The following NR3C1 variants were observed in gnomAD, a reference collection of about 807,000 sequenced individuals.
NR3C1 encodes the protein nuclear receptor subfamily 3 group C member 1.
A neutral mutation model predicts 74.0 loss-of-function variants in NR3C1; 14 were observed. The observed-to-expected ratio is 0.19, with a 90% CI of 0.12 to 0.30. The LOEUF is 0.30. Among genes scored for constraint, NR3C1 ranks in the 10% least tolerant of loss-of-function variants. The pLI is 1.00. For missense variants in NR3C1, 695 were observed against 909.8 expected (o/e 0.76, Z 3.04); for synonymous variants, 308 against 332.5 (o/e 0.93, Z 0.80).
At chr5:143,310,035 G>T in intron 4 of NR3C1, 62 bp downstream of exon 4, 2 of 1,257,374 alleles carry the variant, frequency 1.6e-6, no homozygotes, top group Non-Finnish European at 2.3e-6. Flanking sequence ...ATCTTCAAAA[G>T]TAAAATGATA....
chr5:143,296,971 G>A (rs965229042), intron 6 of NR3C1, among the ~76,000 whole-genome samples: 18 of 151,482 alleles, frequency 1.2e-4, no homozygotes, highest in Admixed American at 2.0e-4. Context: ...CCAGCTATTC[G>A]GGAGGCTGAG....
chr5:143,386,954 A>G (rs1837340053), intron 2 of NR3C1, among the ~76,000 whole-genome samples: 1 of 152,210 alleles, frequency 6.6e-6, no homozygotes, highest in Non-Finnish European at 1.5e-5. Flanking sequence ...GAGCAACAAA[A>G]CCACAGACAT....
chr5:143,435,020 C>G (rs1349653834), exon 1 of NR3C1: 1 of 985,104 alleles, frequency 1.0e-6, no homozygotes, highest in African/African-American at 1.7e-5. Context: ...CCTAGTTCAG[C>G]TCAGAGCCAC....
intron 1 of NR3C1, among the ~76,000 whole-genome samples, chr5:143,426,418 C>T (rs975718542): frequency 1.3e-5 from 2 of 152,290 alleles, no homozygotes; most frequent in East Asian, 3.9e-4. Flanking sequence ...AATTATTAAC[C>T]AACATATGCT....
intron 2 of NR3C1, among the ~76,000 whole-genome samples, chr5:143,331,787 G>C (rs1469870745): frequency 6.6e-6 from 1 of 152,128 alleles, no homozygotes; most frequent in East Asian, 1.9e-4. Flanking sequence ...CCTACTTGAG[G>C]GTGGGAAGAG....
intron 7 of NR3C1, among the ~76,000 whole-genome samples, chr5:143,286,046 G>A (rs1814381621): frequency 6.6e-6 from 1 of 150,690 alleles, no homozygotes; most frequent in Admixed American, 6.6e-5. Context: ...AGAGATACTG[G>A]AGCCATTAGA....
At chr5:143,381,530 C>T (rs1184109823) in intron 2 of NR3C1, among the ~76,000 whole-genome samples, 6 of 152,140 alleles carry the variant, frequency 3.9e-5, no homozygotes, top group Non-Finnish European at 8.8e-5. Context: ...ATTACATTAT[C>T]TGACTTCAAA....
intron 2 of NR3C1, among the ~76,000 whole-genome samples, chr5:143,390,925 T>C (rs988688394): frequency 2.6e-5 from 4 of 152,166 alleles, no homozygotes; most frequent in African/African-American, 9.7e-5. Context: ...TATAGTGCAA[T>C]GAGTCCGATT....
chr5:143,403,748 C>G (rs1840809179), upstream of NR3C1: 3 of 984,882 alleles, frequency 3.0e-6, no homozygotes, highest in African/African-American at 5.2e-5. Context: ...GCTCCCCGCC[C>G]GAGGGGCCGC....
At chr5:143,419,811 G>C (rs1751124317) in intron 1 of NR3C1, among the ~76,000 whole-genome samples, 1 of 152,186 alleles carries the variant, frequency 6.6e-6, no homozygotes, top group African/African-American at 2.4e-5. Flanking sequence ...GACAGGGTTT[G>C]AGAGCAACTG....
intron 2 of NR3C1, among the ~76,000 whole-genome samples, chr5:143,361,542 G>T (rs1351718710): frequency 6.6e-6 from 1 of 152,172 alleles, no homozygotes; most frequent in Non-Finnish European, 1.5e-5. Context: ...CCAACTCTCT[G>T]AGCTACCTCT....
chr5:143,386,796 T>C (rs1837309657), intron 2 of NR3C1, among the ~76,000 whole-genome samples: 2 of 152,234 alleles, frequency 1.3e-5, no homozygotes, highest in Admixed American at 1.3e-4. Flanking sequence ...ATCCCTATAA[T>C]GCTCACTTAC....
intron 7 of NR3C1, chr5:143,295,108 C>T (rs896287082): frequency 1.0e-6 from 1 of 985,266 alleles, no homozygotes; most frequent in Non-Finnish European, 1.2e-6. Context: ...AAATTTTTAA[C>T]CAAATAACAG....
intron 3 of NR3C1, 78 bp downstream of exon 3, chr5:143,313,924 A>G (rs777802609): frequency 7.7e-5 from 115 of 1,491,222 alleles, no homozygotes; most frequent in South Asian, 3.0e-4. Flanking sequence ...GGCTTTGCAT[A>G]TAATGGAAAT....
At chr5:143,293,793 T>G (rs1377530042) in intron 7 of NR3C1, 4 of 706,888 alleles carry the variant, frequency 5.7e-6, no homozygotes, top group Non-Finnish European at 6.9e-6. Flanking sequence ...CAAGAAGAAC[T>G]CGTGATATTA....
At chr5:143,292,348 A>G (rs74888440) in intron 7 of NR3C1, among the ~76,000 whole-genome samples, 3,834 of 152,034 alleles carry the variant, frequency 0.025, 79 homozygotes, top group Non-Finnish European at 0.033. Flanking sequence ...TTTATGATTA[A>G]ATCTCAGTTT....
chr5:143,279,082 A>G lies in NR3C1; in HGVS notation c.*2807T>C, dbSNP rs1445023098. ...CTCACTGAAGTTACTACAAACTTCA[A>G]CAGTTTGGGTTGGGATGGCCAGATA... is the stretch of plus-strand genomic sequence containing the variant. On this transcript the variant is annotated 3_prime_UTR_variant, in exon 9 of 9. Transcript: ENST00000394464. The G allele has an allele frequency of 7.3e-6, 3 of 411,312 alleles. No homozygotes were observed. The highest frequency in any genetic ancestry group is 1.3e-5 in the Non-Finnish European group (3 of 233,342). The allele number at this position is 411,312 out of a possible 1,614,324, so 25.5% of individuals were successfully genotyped here. A position where few individuals can be genotyped will look rare whatever the true frequency, so the allele number is the denominator to read the frequency against.
chr5:143,295,707 T>G lies in NR3C1; in HGVS notation c.1893-117A>C, dbSNP rs1042264291. 1.9e-5 allele frequency: 15 copies of G among 801,116 alleles called. 2 individuals are homozygous for G. In the South Asian group the frequency reaches 2.1e-4, roughly 11 times the overall value. The allele number at this position is 801,116 out of a possible 1,614,324, so 49.6% of individuals were successfully genotyped here. Reference sequence around the variant, plus strand: ...TCATAAAGAAAAACAACTACTGCAATAATATTATTGCTAATTCCCTATAAA... The same window carrying G: ...TCATAAAGAAAAACAACTACTGCAAGAATATTATTGCTAATTCCCTATAAA... On this transcript the variant is annotated intron_variant, in intron 6 of 8. Coordinates refer to ENST00000394464, the MANE Select transcript of NR3C1 (RefSeq NM_000176.3).
At chr5:143,325,865 AG>A (rs1350939065) in intron 2 of NR3C1, among the ~76,000 whole-genome samples, 7 of 152,210 alleles carry the variant, frequency 4.6e-5, no homozygotes, top group Admixed American at 3.3e-4. Context: ...GGAAAGAAAT[AG>A]TTTTTAAAAT....
Sources: allele counts gnomAD v4.1 joint callset (sites outside exome capture counted in the v4.1 genomes callset), GRCh38; gene constraint gnomAD v4.1.1; transcripts MANE v1.5; gene names NCBI Gene and HGNC (gene_info 2026-07-23, HGNC 2026-07-21).